The following PRKD3 variants were observed in gnomAD, a reference collection of about 807,000 sequenced individuals.
PRKD3 encodes the protein protein kinase D3.
Under a neutral mutation model 99.2 loss-of-function variants are expected in PRKD3, and 47 were observed. The observed-to-expected ratio is 0.47, with a 90% CI of 0.38 to 0.60. The LOEUF (loss-of-function observed/expected upper bound fraction) is 0.60. PRKD3 is among the 20% of genes least tolerant of loss of function. The probability of loss-of-function intolerance (pLI) is 0.00; values close to 1 mark genes in which losing one functional copy is unlikely to be tolerated. For synonymous variants in PRKD3, 392 were observed against 355.4 expected, an observed-to-expected ratio of 1.10 and a Z score of -1.16; for missense variants, 1,019 against 1,088.4, an observed-to-expected ratio of 0.94 and a Z score of 0.90.
intron 8 of PRKD3, chr2:37,278,684 A>C (rs1412166309): frequency 6.6e-6 from 1 of 152,308 alleles, no homozygotes; most frequent in African/African-American, 2.4e-5. Flanking sequence ...CACGCCTATA[A>C]TCCCACCACT....
chr2:37,273,966 G>C lies in PRKD3; in HGVS notation c.1651+455C>G, dbSNP rs548246998. Among the ~76,000 whole-genome samples, 14 of 152,324 alleles carry C rather than the reference G, an allele frequency of 9.2e-5. No homozygotes were observed. In the South Asian group the frequency reaches 2.7e-3, roughly 29 times the overall value. ...CTGACTTCACAGATTTCATGAGTGTGATGTGAACCATAATACTTTATTGCC... is the reference window on the plus strand; with the variant it reads ...CTGACTTCACAGATTTCATGAGTGTCATGTGAACCATAATACTTTATTGCC... On this transcript the variant is annotated intron_variant, in intron 11 of 18. Coordinates refer to ENST00000234179, the MANE Select transcript of PRKD3 (RefSeq NM_005813.6).
chr2:37,309,368 G>C (rs1036244394), intron 2 of PRKD3, among the ~76,000 whole-genome samples: 1 of 152,032 alleles, frequency 6.6e-6, no homozygotes, highest in African/African-American at 2.4e-5. Context: ...CTTTCCAACA[G>C]TCTAATTCTT....
chr2:37,264,600 G>A (rs1210410492), intron 14 of PRKD3, among the ~76,000 whole-genome samples: 1 of 152,110 alleles, frequency 6.6e-6, no homozygotes, highest in African/African-American at 2.4e-5. Context: ...AAATCCTGAC[G>A]GAGACAAGGG....
chr2:37,303,441 A>G (rs1299641795), intron 2 of PRKD3, among the ~76,000 whole-genome samples: 1 of 152,116 alleles, frequency 6.6e-6, no homozygotes, highest in Admixed American at 6.5e-5. Context: ...GCTGCTGTCC[A>G]TGGATGGCAG....
intron 11 of PRKD3, among the ~76,000 whole-genome samples, chr2:37,272,824 A>T (rs1393223970): frequency 6.6e-6 from 1 of 152,098 alleles, no homozygotes; most frequent in Non-Finnish European, 1.5e-5. Context: ...TCTCTAAAAA[A>T]ATTTTAAAAT....
chr2:37,282,733 A>C (rs1395179601), intron 6 of PRKD3, 114 bp from the exon 7 acceptor site: 1 of 751,444 alleles, frequency 1.3e-6, no homozygotes, highest in Non-Finnish European at 2.3e-6. Context: ...TGATGATATT[A>C]AAATAATAAC....
chr2:37,303,207 CT>C, intron 2 of PRKD3, among the ~76,000 whole-genome samples: 1 of 152,220 alleles, frequency 6.6e-6, no homozygotes, highest in East Asian at 1.9e-4. Flanking sequence ...GTCCCGTCCC[CT>C]CTCCCACATC....
intron 14 of PRKD3, among the ~76,000 whole-genome samples, chr2:37,263,099 T>A (rs1668591143): frequency 6.6e-6 from 1 of 152,174 alleles, no homozygotes; most frequent in African/African-American, 2.4e-5. Flanking sequence ...ATTTTATTGT[T>A]CATTCTTCAA....
Position 37,277,908 on chromosome 2 carries a change from C to T in PRKD3, c.1254G>A (p.Val418=). ...TGTAATGGACCATCCACCCTTCCTT[C>T]ACCATTGTGCTGCTCTTCCTCTTTG... is the stretch of plus-strand genomic sequence containing the variant. ...KHTKRKSSTM[V]KEGWMVHYTS... is the part of the protein sequence containing the mutation. The change falls in exon 9 of 19, where the codon GTG becomes GTA. Residue 418 remains valine (V), a synonymous_variant. Transcript: ENST00000234179. 3.7e-6 allele frequency: 6 copies of T among 1,613,766 alleles called. No homozygotes were observed. In the South Asian group the frequency reaches 5.5e-5, roughly 15 times the overall value.
In PRKD3 at chr2:37,254,252, C is replaced by T. The variant is rs1349143176; in HGVS notation, c.2451G>A (p.Met817Ile). The T allele has an allele frequency of 6.2e-7, 1 of 1,613,494 alleles. No homozygotes were observed. The highest frequency in any genetic ancestry group is 1.7e-5 in the Admixed American group (1 of 60,018). ...DLINNLLQVK[M>I]RKRYSVDKSL... is the part of the protein sequence containing the mutation. ...ATTTGTCAACACTGTAACGTTTTCTCATCTTCACTTGAAGCAGATTGTTTA... is the reference window on the plus strand; with the variant it reads ...ATTTGTCAACACTGTAACGTTTTCTTATCTTCACTTGAAGCAGATTGTTTA... Residue 817 changes from methionine (M) to isoleucine (I), a missense_variant, in exon 18 of 19, where the codon ATG becomes ATA. By Grantham distance (10) the Met-to-Ile change is conservative. Transcript: ENST00000234179.
chr2:37,321,888 A>C (rs1044500926), intron 1 of PRKD3, among the ~76,000 whole-genome samples: 4 of 152,234 alleles, frequency 2.6e-5, no homozygotes, highest in Non-Finnish European at 1.5e-5. Flanking sequence ...TAGTTATTAA[A>C]TTCTTCAAAA....
At chr2:37,292,353 T>C (rs1670470664) in intron 3 of PRKD3, among the ~76,000 whole-genome samples, 1 of 151,296 alleles carries the variant, frequency 6.6e-6, no homozygotes, top group Non-Finnish European at 1.5e-5. Flanking sequence ...TTTTTTCCTT[T>C]TTTTTTTTTT....
intron 17 of PRKD3, among the ~76,000 whole-genome samples, chr2:37,255,693 T>C (rs548315287): frequency 1.4e-4 from 22 of 152,220 alleles, no homozygotes; most frequent in Non-Finnish European, 1.9e-4. Flanking sequence ...AAGTCAATTA[T>C]GAAAAGAATG....
chr2:37,286,432 G>C (rs1453456811), intron 5 of PRKD3, 63 bp from the exon 6 acceptor site: 42 of 1,347,012 alleles, frequency 3.1e-5, no homozygotes, highest in Non-Finnish European at 3.9e-5. Context: ...TGGGAGCAGA[G>C]CTTAACCACA....
chr2:37,316,579 A>G lies in PRKD3; in HGVS notation c.-55T>C, dbSNP rs577353801. The stretch of plus-strand genomic sequence containing the variant: ...GTCGATTCTTTTTCAATGGTTATGA[A>G]GAGGTTTTTAAAATAACAGCAGTAA... On this transcript the variant is annotated 5_prime_UTR_variant, in exon 2 of 19. Transcript: ENST00000234179. 1.4e-5 allele frequency: 22 copies of G among 1,548,238 alleles called. No individual in the cohort carries two copies. The highest frequency in any genetic ancestry group is 1.9e-5 in the Non-Finnish European group (22 of 1,151,928).
intron 14 of PRKD3, among the ~76,000 whole-genome samples, chr2:37,261,413 G>A (rs1668436036): frequency 6.6e-6 from 1 of 151,746 alleles, no homozygotes; most frequent in Admixed American, 6.6e-5. Context: ...CTTGAACCTG[G>A]GAGGTGGAGG....
Position 37,316,793 on chromosome 2 carries a change from C to T in PRKD3, c.-269G>A, listed in dbSNP as rs1671684451. ...AACCAGGGATTTGTAAAGGATTTAACATCACTGAGCTATCCTCAGCAGGAT... is the reference window on the plus strand; with the variant it reads ...AACCAGGGATTTGTAAAGGATTTAATATCACTGAGCTATCCTCAGCAGGAT... On this transcript the variant is annotated 5_prime_UTR_variant, in exon 2 of 19. An upstream start codon of the reference 5' UTR is lost. Transcript: ENST00000234179. 3 of 1,295,040 alleles carry T rather than the reference C, an allele frequency of 2.3e-6. No homozygotes were observed. The highest frequency in any genetic ancestry group is 3.8e-5 in the Admixed American group (1 of 26,472). 80.2% of individuals were successfully genotyped at this position (1,295,040 alleles called of 1,614,324 possible).
intron 2 of PRKD3, among the ~76,000 whole-genome samples, chr2:37,305,514 C>T (rs956052737): frequency 2.6e-5 from 4 of 152,128 alleles, no homozygotes; most frequent in African/African-American, 9.7e-5. Context: ...AGCCTCTTAG[C>T]AATATGAAAG....
chr2:37,302,336 A>G (rs186569188), intron 2 of PRKD3, among the ~76,000 whole-genome samples: 73 of 152,306 alleles, frequency 4.8e-4, no homozygotes, highest in African/African-American at 1.7e-3. Flanking sequence ...TCCATATGGG[A>G]ATGCAACAGA....
Sources: gnomAD v4.1 joint callset for allele counts (sites outside exome capture counted in the v4.1 genomes callset) on GRCh38, gnomAD v4.1.1 for gene constraint, MANE v1.5 for transcripts, NCBI Gene and HGNC (gene_info 2026-07-23, HGNC 2026-07-21) for gene names.